PLXNA2: variants seen among roughly 807,000 people sequenced by gnomAD.
PLXNA2 encodes plexin-A2.
Under a neutral mutation model 193.5 loss-of-function variants are expected in PLXNA2, and 91 were observed. The observed-to-expected ratio is 0.47, with a 90% CI of 0.40 to 0.56. The LOEUF is 0.56. Among genes scored for constraint, PLXNA2 ranks in the 20% least tolerant of loss-of-function variants. The pLI is 0.00. For synonymous variants in PLXNA2, 997 were observed against 1,027.3 expected, an observed-to-expected ratio of 0.97 and a Z score of 0.56; for missense variants, 1,995 against 2,503.2, an observed-to-expected ratio of 0.80 and a Z score of 4.33.
chr1:208,186,145 G>A (rs368371416), intron 3 of PLXNA2, among the ~76,000 whole-genome samples: 17 of 152,190 alleles, frequency 1.1e-4, no homozygotes, highest in African/African-American at 3.9e-4. Flanking sequence ...AGGAGGGTAG[G>A]AGGAAAAGGC....
Position 208,038,451 on chromosome 1 carries a change from G to A in PLXNA2, c.4684C>T (p.Arg1562Trp), listed in dbSNP as rs1467264768. The part of the protein sequence containing the change: ...DLEWRQGRIA[R>W]VVLQDEDITT... ...ATGTCCTCATCTTGCAGCACGACCCGGGCGATCCGGCCTTGGCGCCACTCT... is the reference window on the plus strand; with the variant it reads ...ATGTCCTCATCTTGCAGCACGACCCAGGCGATCCGGCCTTGGCGCCACTCT... The change falls in exon 26 of 32, where the codon CGG becomes TGG. Residue 1562 changes from arginine (R) to tryptophan (W), a missense_variant. Around this residue, in one of 3 missense-constraint regions of PLXNA2, gnomAD observed 1,291 missense variants for 1,673.6 expected, o/e 0.77. Transcript: ENST00000367033. This position sits in a 1 kb window ranked among gnomAD's most constrained non-coding sequence, Gnocchi z 4.1. 3.1e-6 allele frequency: 5 copies of A among 1,614,114 alleles called. No individual in the cohort carries two copies. The highest frequency in any genetic ancestry group is 2.5e-6 in the Non-Finnish European group (3 of 1,179,994).
intron 3 of PLXNA2, among the ~76,000 whole-genome samples, chr1:208,192,953 A>G (rs894471252): frequency 6.6e-6 from 1 of 152,094 alleles, no homozygotes; most frequent in Non-Finnish European, 1.5e-5. Context: ...TTAGGGTCAT[A>G]GACAACTTTG....
intron 3 of PLXNA2, among the ~76,000 whole-genome samples, chr1:208,156,504 G>A (rs1391348830): frequency 6.6e-6 from 1 of 152,014 alleles, no homozygotes; most frequent in Non-Finnish European, 1.5e-5. Flanking sequence ...TGAAGAAACT[G>A]AGGCTCAGAG....
chr1:208,057,488 G>A (rs1398878660), intron 13 of PLXNA2, among the ~76,000 whole-genome samples: 1 of 152,180 alleles, frequency 6.6e-6, no homozygotes, highest in African/African-American at 2.4e-5. Flanking sequence ...GGGTTCCTCA[G>A]GTTCTGAGAG....
chr1:208,107,851 C>G lies in PLXNA2; in HGVS notation c.1507-4604G>C, dbSNP rs575103557. Reference sequence around the variant, plus strand: ...ACAATGGGAGGCCCTTCTCCTGCCCCCTATGGCCTTCTCCCCAGGACCCGC... The same window carrying G: ...ACAATGGGAGGCCCTTCTCCTGCCCGCTATGGCCTTCTCCCCAGGACCCGC... On this transcript the variant is annotated intron_variant, in intron 4 of 31. Coordinates refer to ENST00000367033, the MANE Select transcript of PLXNA2 (RefSeq NM_025179.4). Among the ~76,000 whole-genome samples, 8 of 152,092 alleles carry G rather than the reference C, an allele frequency of 5.3e-5. No homozygotes were observed. The East Asian group carries it at 5.8e-4, about 11-fold the overall frequency.
At chr1:208,131,294 C>T (rs1668143387) in intron 4 of PLXNA2, among the ~76,000 whole-genome samples, 1 of 152,214 alleles carries the variant, frequency 6.6e-6, no homozygotes, top group South Asian at 2.1e-4. Context: ...CAGAAACCGT[C>T]CTAGTCATCA....
chr1:208,045,754 A>G, intron 18 of PLXNA2, 124 bp downstream of exon 18: 1 of 1,202,094 alleles, frequency 8.3e-7, no homozygotes, highest in Non-Finnish European at 1.2e-6. Context: ...TAGGAAGGAG[A>G]CAGCTTTGCA....
rs911984176 is a variant in PLXNA2 at position 208,025,315 on chromosome 1, T to G, written c.*1928A>C. On this transcript the variant is annotated 3_prime_UTR_variant, in exon 32 of 32. Coordinates refer to ENST00000367033, the MANE Select transcript of PLXNA2 (RefSeq NM_025179.4). ...CCCCAGCCCTCTCCTGGGAATCACA[T>G]GTGGTCAGCAGGGCCTTTGGAAATT... 1 of 152,396 alleles carries G rather than the reference T, an allele frequency of 6.6e-6. No homozygotes were observed. Among genetic ancestry groups the G allele is most frequent in the Non-Finnish European group, 1.5e-5 (1 of 68,174 alleles). 9.4% of individuals were successfully genotyped at this position (152,396 alleles called of 1,614,324 possible).
At chr1:208,153,707 G>A (rs1668844466) in intron 3 of PLXNA2, among the ~76,000 whole-genome samples, 2 of 152,208 alleles carry the variant, frequency 1.3e-5, no homozygotes, top group South Asian at 4.1e-4. Context: ...TGGGGTCTGA[G>A]GAACAGGGTA....
rs145803912 is a variant in PLXNA2, at chr1:208,147,516, C to A, written c.1372-5053G>T. 6.6e-3 allele frequency among the ~76,000 whole-genome samples: 1,012 copies of A among 152,282 alleles called. 13 individuals are homozygous for A. Among genetic ancestry groups the A allele is most frequent in the African/African-American group, 0.024 (993 of 41,562 alleles). ...GACTTGGATTCTGAAAGGTTCTGTT[C>A]ACCTAAAGAATTTAATAATAGCTAC... is the stretch of plus-strand genomic sequence containing the variant. On this transcript the variant is annotated intron_variant, in intron 3 of 31. Transcript: ENST00000367033.
intron 5 of PLXNA2, among the ~76,000 whole-genome samples, chr1:208,099,946 C>T (rs759241907): frequency 3.3e-5 from 5 of 152,044 alleles, no homozygotes; most frequent in Admixed American, 6.5e-5. Context: ...AGAAGCAGCA[C>T]AGCCATGGAA....
intron 3 of PLXNA2, among the ~76,000 whole-genome samples, chr1:208,189,062 G>A (rs755668928): frequency 2.0e-5 from 3 of 152,174 alleles, no homozygotes; most frequent in Non-Finnish European, 2.9e-5. Context: ...CATTCTCTAC[G>A]AGAAGCGCAA....
chr1:208,193,176 G>C (rs1323211804), intron 3 of PLXNA2, among the ~76,000 whole-genome samples: 1 of 152,214 alleles, frequency 6.6e-6, no homozygotes, highest in African/African-American at 2.4e-5. Context: ...ATGAAACCCA[G>C]ACAGTCCTGG....
At chr1:208,086,327 C>T (rs1289632892) in intron 9 of PLXNA2, among the ~76,000 whole-genome samples, 5 of 151,686 alleles carry the variant, frequency 3.3e-5, no homozygotes, top group Non-Finnish European at 7.4e-5. Flanking sequence ...TTTTTAGCTC[C>T]AACTTTGTAG....
Position 208,236,741 on chromosome 1 carries a change from G to A in PLXNA2, c.-81+6902C>T, listed in dbSNP as rs1053698477. On this transcript the variant is annotated intron_variant, in intron 1 of 31. Coordinates refer to ENST00000367033, the MANE Select transcript of PLXNA2 (RefSeq NM_025179.4). The surrounding 1 kb of genome is among the most constrained non-coding windows in gnomAD (Gnocchi z 4.4). Reference sequence around the variant, plus strand: ...CCACCAGAGCAGAAGCGGAAATGACGGCTAGGAAAGGCTCTAGAGACTGGA... The same window carrying A: ...CCACCAGAGCAGAAGCGGAAATGACAGCTAGGAAAGGCTCTAGAGACTGGA... 3.9e-5 allele frequency among the ~76,000 whole-genome samples: 6 copies of A among 152,332 alleles called. No homozygotes were observed. The highest frequency in any genetic ancestry group is 2.1e-4 in the South Asian group (1 of 4,824).
chr1:208,185,419 T>C (rs1455817628), intron 3 of PLXNA2, among the ~76,000 whole-genome samples: 1 of 152,168 alleles, frequency 6.6e-6, no homozygotes, highest in African/African-American at 2.4e-5. Context: ...TCTATAAATA[T>C]ACATGTCTTT....
intron 4 of PLXNA2, 61 bp from the exon 5 acceptor site, chr1:208,103,308 TCA>T (rs1465282457): frequency 3.0e-6 from 4 of 1,316,808 alleles, no homozygotes; most frequent in Non-Finnish European, 4.3e-6. Flanking sequence ...CAGGTGTGTG[TCA>T]CACAGTCCTG....
intron 3 of PLXNA2, among the ~76,000 whole-genome samples, chr1:208,200,943 T>A (rs1670533208): frequency 6.6e-6 from 1 of 152,158 alleles, no homozygotes; most frequent in Non-Finnish European, 1.5e-5. Context: ...TATATGGGAC[T>A]AATGAACTAA....
chr1:208,228,309 T>G (rs1293773078), intron 1 of PLXNA2, among the ~76,000 whole-genome samples: 1 of 152,182 alleles, frequency 6.6e-6, no homozygotes, highest in Non-Finnish European at 1.5e-5. Flanking sequence ...CCAGATGATG[T>G]GCACTTTTTA....
Sources: gnomAD v4.1 joint callset for allele counts (sites outside exome capture counted in the v4.1 genomes callset) on GRCh38, gnomAD v4.1.1 for gene constraint, gnomAD v4.1.1 regional missense constraint, Gnocchi (gnomAD v3.1) non-coding constraint, MANE v1.5 for transcripts, NCBI Gene and HGNC (gene_info 2026-07-23, HGNC 2026-07-21) for gene names.